The following MACROD2 variants were observed in gnomAD, a reference collection of about 807,000 sequenced individuals.
MACROD2 encodes mono-ADP ribosylhydrolase 2, also known as ADP-ribose glycohydrolase MACROD2.
A neutral mutation model predicts 70.4 loss-of-function variants in MACROD2; 36 were observed. That is an observed-to-expected ratio of 0.51 (90% CI 0.39 to 0.68). The LOEUF is 0.68. Ranked by LOEUF, MACROD2 falls within the 30% of genes least tolerant of loss-of-function variation. The pLI is 0.00. For synonymous variants in MACROD2, 172 were observed against 178.8 expected (o/e 0.96, Z 0.30); for missense variants, 496 against 538.4 (o/e 0.92, Z 0.78).
chr20:14,376,287 C>T (rs542438547), intron 3 of MACROD2, among the ~76,000 whole-genome samples: 2 of 152,262 alleles, frequency 1.3e-5, no homozygotes, highest in East Asian at 3.9e-4. Flanking sequence ...CACCTTTACA[C>T]TTTTGCTAGT....
At chr20:15,224,366 A>G (rs530454885) in intron 5 of MACROD2, among the ~76,000 whole-genome samples, 1 of 152,246 alleles carries the variant, frequency 6.6e-6, no homozygotes, top group Admixed American at 6.5e-5. Context: ...ATGTATACAT[A>G]CAAATGTATG....
At chr20:15,276,613 C>T (rs746219966) in intron 6 of MACROD2, among the ~76,000 whole-genome samples, 5 of 152,182 alleles carry the variant, frequency 3.3e-5, no homozygotes, top group African/African-American at 7.2e-5. Context: ...TTTCTTCTCT[C>T]AACTTCGCAG....
At chr20:14,955,302 AT>A (rs1172304560) in intron 5 of MACROD2, among the ~76,000 whole-genome samples, 2 of 139,940 alleles carry the variant, frequency 1.4e-5, no homozygotes, top group African/African-American at 2.6e-5. Context: ...ATATAATATA[AT>A]TTTTATTATA....
intron 4 of MACROD2, among the ~76,000 whole-genome samples, chr20:14,565,291 C>T (rs924993736): frequency 1.3e-5 from 2 of 151,792 alleles, no homozygotes; most frequent in African/African-American, 4.8e-5. Context: ...GGCTTTACCA[C>T]TACACCCTAT....
intron 5 of MACROD2, among the ~76,000 whole-genome samples, chr20:14,798,514 CTT>C (rs943576790): frequency 6.6e-6 from 1 of 151,898 alleles, no homozygotes; most frequent in Non-Finnish European, 1.5e-5. Context: ...CAGAGAGAGA[CTT>C]TTTTTGTCTC....
chr20:15,136,827 A>T (rs185773783), intron 5 of MACROD2, among the ~76,000 whole-genome samples: 182 of 152,056 alleles, frequency 1.2e-3, no homozygotes, highest in Non-Finnish European at 2.3e-3. Flanking sequence ...TCAAAGGGCT[A>T]ATATCCAGAA....
intron 10 of MACROD2, among the ~76,000 whole-genome samples, chr20:15,891,226 G>A (rs1233050578): frequency 6.6e-6 from 1 of 152,138 alleles, no homozygotes; most frequent in African/African-American, 2.4e-5. Context: ...AGGAGTGGGG[G>A]TGAGAACAGC....
At chr20:14,884,643 C>G (rs1229525370) in intron 5 of MACROD2, 1 of 152,042 alleles carries the variant, frequency 6.6e-6, no homozygotes, top group Non-Finnish European at 1.5e-5. Flanking sequence ...AAATGGATCC[C>G]CCTCACAACC....
At chr20:15,874,424 A>G (rs1325198188) in intron 9 of MACROD2, among the ~76,000 whole-genome samples, 2 of 152,134 alleles carry the variant, frequency 1.3e-5, no homozygotes, top group African/African-American at 4.8e-5. Context: ...CTTTGGGTAT[A>G]TACCCAGTAG....
At chr20:14,033,579 A>C (rs2053271680) in intron 2 of MACROD2, among the ~76,000 whole-genome samples, 1 of 152,252 alleles carries the variant, frequency 6.6e-6, no homozygotes, top group Non-Finnish European at 1.5e-5. Context: ...TTATGCAAGG[A>C]TATATCTTTC....
intron 2 of MACROD2, among the ~76,000 whole-genome samples, chr20:14,047,941 A>G (rs1314395161): frequency 6.6e-6 from 1 of 152,178 alleles, no homozygotes; most frequent in Non-Finnish European, 1.5e-5. Context: ...AAGTATCAAA[A>G]GAAAATGAAG....
At chr20:15,737,102 G>A (rs1318983642) in intron 8 of MACROD2, among the ~76,000 whole-genome samples, 1 of 152,170 alleles carries the variant, frequency 6.6e-6, no homozygotes, top group East Asian at 1.9e-4. Context: ...GTATATGGAA[G>A]TGAGAAAGAA....
chr20:14,659,371 GA>G (rs2123529998), intron 4 of MACROD2, among the ~76,000 whole-genome samples: 1 of 152,166 alleles, frequency 6.6e-6, no homozygotes, highest in Non-Finnish European at 1.5e-5. Context: ...CTTCCCTTCT[GA>G]TGTCTTGTAG....
At chr20:15,303,388 A>G (rs992619061) in intron 6 of MACROD2, among the ~76,000 whole-genome samples, 3 of 152,114 alleles carry the variant, frequency 2.0e-5, no homozygotes, top group Non-Finnish European at 2.9e-5. Flanking sequence ...CTGTATTCCT[A>G]AAGGCACCCT....
chr20:15,941,784 T>C (rs1348941183), intron 12 of MACROD2, among the ~76,000 whole-genome samples: 3 of 152,304 alleles, frequency 2.0e-5, no homozygotes, highest in Middle Eastern at 3.4e-3. Context: ...TGACCAAGCA[T>C]CTTCTTGGGC....
intron 12 of MACROD2, among the ~76,000 whole-genome samples, chr20:15,955,492 T>C (rs2065963914): frequency 6.6e-6 from 1 of 152,206 alleles, no homozygotes. Context: ...CATTTGCAGA[T>C]GCTTCTCTAT....
At chr20:14,592,135 T>G (rs1487499039) in intron 4 of MACROD2, among the ~76,000 whole-genome samples, 1 of 152,166 alleles carries the variant, frequency 6.6e-6, no homozygotes, top group African/African-American at 2.4e-5. Flanking sequence ...TAGGAAGGGT[T>G]TATTTGGAGT....
intron 3 of MACROD2, among the ~76,000 whole-genome samples, chr20:14,211,512 T>C (rs1201598906): frequency 6.6e-6 from 1 of 152,212 alleles, no homozygotes; most frequent in Non-Finnish European, 1.5e-5. Context: ...TAGATAGCTT[T>C]CATTTATACC....
chr20:15,595,538 G>T (rs1019566236), intron 8 of MACROD2, among the ~76,000 whole-genome samples: 1 of 152,098 alleles, frequency 6.6e-6, no homozygotes, highest in Non-Finnish European at 1.5e-5. Flanking sequence ...TCAACCTGAG[G>T]AATAGTTAAA....
Sources: gnomAD v4.1 joint callset for allele counts (sites outside exome capture counted in the v4.1 genomes callset) on GRCh38, gnomAD v4.1.1 for gene constraint, MANE v1.5 for transcripts, NCBI Gene and HGNC (gene_info 2026-07-23, HGNC 2026-07-21) for gene names.